The following FHIT variants were observed in gnomAD, a reference collection of about 807,000 sequenced individuals.
FHIT encodes the protein fragile histidine triad diadenosine triphosphatase.
A neutral mutation model predicts 17.9 loss-of-function variants in FHIT; 19 were observed. That is an observed-to-expected ratio of 1.06 (90% CI 0.74 to 1.56). The LOEUF is 1.56. Ranked by LOEUF, FHIT falls within the 40% of genes most tolerant of loss-of-function variation. FHIT has a pLI of 0.00. For missense variants in FHIT, 248 were observed against 189.2 expected, an observed-to-expected ratio of 1.31 and a Z score of -1.82; for synonymous variants, 81 against 69.7, an observed-to-expected ratio of 1.16 and a Z score of -0.81.
chr3:60,970,351 G>T (rs866579566), intron 3 of FHIT, among the ~76,000 whole-genome samples: 32 of 152,050 alleles, frequency 2.1e-4, no homozygotes, highest in South Asian at 8.3e-4. Context: ...TCTTTATATG[G>T]ATTTATATTT....
intron 4 of FHIT, among the ~76,000 whole-genome samples, chr3:60,762,272 G>A (rs1699682152): frequency 6.6e-6 from 1 of 151,988 alleles, no homozygotes; most frequent in African/African-American, 2.4e-5. Flanking sequence ...CTTGCATCTA[G>A]GAGTCATCAA....
At chr3:60,206,280 T>C (rs184905308) in intron 5 of FHIT, among the ~76,000 whole-genome samples, 2 of 152,064 alleles carry the variant, frequency 1.3e-5, no homozygotes, top group Non-Finnish European at 2.9e-5. Flanking sequence ...ATTTCTCCCT[T>C]TGCTCTTCTA....
At chr3:59,999,789 G>A (rs1322652028) in intron 7 of FHIT, among the ~76,000 whole-genome samples, 1 of 152,062 alleles carries the variant, frequency 6.6e-6, no homozygotes, top group Non-Finnish European at 1.5e-5. Flanking sequence ...TGTAGTTTTA[G>A]TAGAGACAGG....
At chr3:61,197,827 G>A (rs1411567091) in intron 2 of FHIT, among the ~76,000 whole-genome samples, 1 of 152,118 alleles carries the variant, frequency 6.6e-6, no homozygotes, top group Non-Finnish European at 1.5e-5. Flanking sequence ...GAAATTGGGA[G>A]GGATGACTTC....
intron 4 of FHIT, among the ~76,000 whole-genome samples, chr3:60,713,825 T>G (rs2041607532): frequency 6.6e-6 from 1 of 151,384 alleles, no homozygotes; most frequent in Non-Finnish European, 1.5e-5. Flanking sequence ...CAGGACCAGA[T>G]GGATTCACAG....
rs1464013180 is a variant in FHIT, at chr3:60,375,115, A to T, written c.103+161745T>A. Reference sequence around the variant, plus strand: ...CTTTTGCTCCTTTTGAAAAAAAAAAAACAAAAACAAAAAACAAAAAAAACA... The same window carrying T: ...CTTTTGCTCCTTTTGAAAAAAAAAATACAAAAACAAAAAACAAAAAAAACA... On this transcript the variant is annotated intron_variant, in intron 5 of 9. Transcript: ENST00000492590. Among the ~76,000 whole-genome samples the T allele has an allele frequency of 4.0e-5, 6 of 151,856 alleles. No homozygotes were observed. The South Asian group carries it at 1.2e-3, about 32-fold the overall frequency.
intron 4 of FHIT, among the ~76,000 whole-genome samples, chr3:60,797,895 A>G (rs1701041699): frequency 6.6e-6 from 1 of 152,080 alleles, no homozygotes; most frequent in Non-Finnish European, 1.5e-5. Flanking sequence ...TGCAAGAAAT[A>G]TGACTTTCTT....
chr3:61,157,128 TAAAC>T (rs1180671250), intron 2 of FHIT, among the ~76,000 whole-genome samples: 1 of 152,174 alleles, frequency 6.6e-6, no homozygotes, highest in African/African-American at 2.4e-5. Flanking sequence ...ACAGAGAGAA[TAAAC>T]ATATATTCCT....
chr3:60,700,136 A>AC (rs199805064), intron 4 of FHIT, among the ~76,000 whole-genome samples: 3,158 of 151,720 alleles, frequency 0.021, 63 homozygotes, highest in South Asian at 0.043. Context: ...GTCTCAAAAA[A>AC]AAAAAAAAAA....
intron 3 of FHIT, among the ~76,000 whole-genome samples, chr3:60,969,412 T>C (rs1575772950): frequency 6.6e-6 from 1 of 152,132 alleles, no homozygotes; most frequent in East Asian, 1.9e-4. Flanking sequence ...ATTCTGTTTC[T>C]TTTTTAGATT....
At chr3:60,949,973 A>G (rs1433770122) in intron 3 of FHIT, among the ~76,000 whole-genome samples, 3 of 152,244 alleles carry the variant, frequency 2.0e-5, no homozygotes, top group Admixed American at 1.3e-4. Flanking sequence ...AGTTTTGATC[A>G]ATGACAGACC....
At chr3:60,510,216 C>G (rs1036000045) in intron 5 of FHIT, among the ~76,000 whole-genome samples, 1 of 152,176 alleles carries the variant, frequency 6.6e-6, no homozygotes, top group Admixed American at 6.5e-5. Flanking sequence ...GTGGGGAAAA[C>G]TAGAACAGCA....
chr3:60,589,754 C>CCTTCACCA (rs1365151726), intron 4 of FHIT, among the ~76,000 whole-genome samples: 8 of 152,086 alleles, frequency 5.3e-5, no homozygotes, highest in Non-Finnish European at 1.0e-4. Flanking sequence ...TTCCCCCACA[C>CCTTCACCA]CTTCACCAAA....
intron 5 of FHIT, among the ~76,000 whole-genome samples, chr3:60,082,395 T>C (rs763646690): frequency 6.6e-6 from 1 of 152,172 alleles, no homozygotes; most frequent in Non-Finnish European, 1.5e-5. Context: ...CCTAAGTTGA[T>C]TTCATGTCTT....
chr3:60,891,807 T>C (rs1289952584), intron 3 of FHIT, among the ~76,000 whole-genome samples: 1 of 152,132 alleles, frequency 6.6e-6, no homozygotes, highest in Non-Finnish European at 1.5e-5. Flanking sequence ...GATCAGAAAG[T>C]ACCCGGGCGT....
intron 5 of FHIT, among the ~76,000 whole-genome samples, chr3:60,497,462 A>T (rs998076991): frequency 7.9e-5 from 12 of 152,230 alleles, no homozygotes; most frequent in African/African-American, 2.9e-4. Context: ...AAACACAGTT[A>T]ATTTCTAAAT....
At chr3:60,725,517 G>A (rs1184253262) in intron 4 of FHIT, among the ~76,000 whole-genome samples, 1 of 152,112 alleles carries the variant, frequency 6.6e-6, no homozygotes, top group African/African-American at 2.4e-5. Flanking sequence ...ATATCCAGTT[G>A]TCTATGGCAT....
At chr3:60,201,894 G>C (rs1033806415) in intron 5 of FHIT, among the ~76,000 whole-genome samples, 1 of 151,564 alleles carries the variant, frequency 6.6e-6, no homozygotes, top group African/African-American at 2.4e-5. Flanking sequence ...ATTGAATTTT[G>C]TTACATTAGC....
At chr3:60,702,025 C>A (rs1482583799) in intron 4 of FHIT, among the ~76,000 whole-genome samples, 18 of 152,088 alleles carry the variant, frequency 1.2e-4, no homozygotes, top group Admixed American at 1.0e-3. Flanking sequence ...CCATGCCTTG[C>A]TAATTTTTTG....
Sources: gnomAD v4.1 joint callset for allele counts (sites outside exome capture counted in the v4.1 genomes callset) on GRCh38, gnomAD v4.1.1 for gene constraint, MANE v1.5 for transcripts, NCBI Gene and HGNC (gene_info 2026-07-23, HGNC 2026-07-21) for gene names.